Variants in LRP1B observed in about 807,000 individuals in gnomAD.
LRP1B encodes low-density lipoprotein receptor-related protein 1B.
In LRP1B, 217 loss-of-function variants were observed where a neutral mutation model predicts 556.6. That is an observed-to-expected ratio of 0.39 (90% CI 0.35 to 0.44). LRP1B has a LOEUF of 0.44. LRP1B is among the 20% of genes least tolerant of loss of function. The pLI is 1.00. For missense variants in LRP1B, 5,053 were observed against 5,620.8 expected, an observed-to-expected ratio of 0.90 and a Z score of 3.23; for synonymous variants, 2,047 against 1,865.8, an observed-to-expected ratio of 1.10 and a Z score of -2.50.
At chr2:140,689,551 G>C (rs977251747) in intron 41 of LRP1B, among the ~76,000 whole-genome samples, 1 of 152,094 alleles carries the variant, frequency 6.6e-6, no homozygotes, top group Non-Finnish European at 1.5e-5. Flanking sequence ...AATAACTCTG[G>C]TCAAGAATTA....
rs1334056558 is a variant in LRP1B, at chr2:140,525,205, C to T, written c.8026+639G>A. Among the ~76,000 whole-genome samples, 3 of 151,726 alleles carry T rather than the reference C, an allele frequency of 2.0e-5. No individual in the cohort carries two copies. The East Asian group carries it at 5.8e-4, about 29-fold the overall frequency. ...AATTTAATAGTGTCCTATATAGAAT[C>T]TCTACTTCCAGTTATACATAGTTCT... On this transcript the variant is annotated intron_variant, in intron 49 of 90. Transcript: ENST00000389484.
intron 2 of LRP1B, among the ~76,000 whole-genome samples, chr2:141,573,988 A>G (rs966303425): frequency 2.6e-5 from 4 of 152,096 alleles, no homozygotes; most frequent in Admixed American, 6.6e-5. Context: ...AGGACTAGAT[A>G]GAGTTACAGC....
chr2:140,748,136 T>TATATATATATATATATATAA (rs1360430336), intron 35 of LRP1B, among the ~76,000 whole-genome samples: 1 of 35,690 alleles, frequency 2.8e-5, no homozygotes, highest in African/African-American at 1.8e-4. Flanking sequence ...TATATATATA[T>TATATATATATATATATATAA]AATTCATATA....
chr2:140,670,384 G>A lies in LRP1B; in HGVS notation c.6799+29866C>T, dbSNP rs955394546. The stretch of plus-strand genomic sequence containing the variant: ...AGTAGTTAGTGATTTAATAGCCTCC[G>A]CAGTTCTAAATGGTAAGATAAAGGC... On this transcript the variant is annotated intron_variant, in intron 41 of 90. Transcript: ENST00000389484. Among the ~76,000 whole-genome samples the A allele has an allele frequency of 2.6e-5, 4 of 152,078 alleles. No individual in the cohort carries two copies. In the East Asian group the frequency reaches 5.8e-4, roughly 22 times the overall value.
At chr2:141,345,717 CTGG>C (rs1688230125) in intron 3 of LRP1B, among the ~76,000 whole-genome samples, 3 of 147,756 alleles carry the variant, frequency 2.0e-5, no homozygotes, top group African/African-American at 7.5e-5. Context: ...TTTGCCCAGG[CTGG>C]TCTTGAACCA....
intron 7 of LRP1B, among the ~76,000 whole-genome samples, chr2:141,129,951 A>AT (rs1701308396): frequency 6.6e-6 from 1 of 152,082 alleles, no homozygotes; most frequent in Non-Finnish European, 1.5e-5. Context: ...CAAAGTTATC[A>AT]TGGACTAGAC....
intron 35 of LRP1B, among the ~76,000 whole-genome samples, chr2:140,748,092 AATATATATATATATATATAT>A (rs757456196): frequency 1.4e-4 from 1 of 6,950 alleles, no homozygotes; most frequent in African/African-American, 5.3e-4. Context: ...AAGTCCTATG[AATATATATATATATATATAT>A]ATATATATAT....
intron 1 of LRP1B, among the ~76,000 whole-genome samples, chr2:142,104,284 A>C (rs376632847): frequency 3.3e-5 from 5 of 152,036 alleles, no homozygotes; most frequent in African/African-American, 1.2e-4. Flanking sequence ...TTTACGGGAG[A>C]GTTTATAAAA....
intron 79 of LRP1B, among the ~76,000 whole-genome samples, chr2:140,331,235 G>C (rs1573803893): frequency 6.6e-6 from 1 of 152,072 alleles, no homozygotes; most frequent in Non-Finnish European, 1.5e-5. Flanking sequence ...GGAGTACTAT[G>C]CAGCCATAAA....
chr2:141,154,637 T>G (rs1250010794), intron 7 of LRP1B, among the ~76,000 whole-genome samples: 1 of 150,048 alleles, frequency 6.7e-6, no homozygotes, highest in Non-Finnish European at 1.5e-5. Context: ...GTTTTCTAGA[T>G]TTTTTTTTCA....
At chr2:140,605,297 C>T (rs1682826996) in intron 41 of LRP1B, among the ~76,000 whole-genome samples, 1 of 152,030 alleles carries the variant, frequency 6.6e-6, no homozygotes, top group Non-Finnish European at 1.5e-5. Context: ...AGGCAAAGAG[C>T]CTAAAATAAG....
chr2:140,531,468 G>A (rs1690688527), intron 47 of LRP1B, among the ~76,000 whole-genome samples: 1 of 152,078 alleles, frequency 6.6e-6, no homozygotes, highest in Non-Finnish European at 1.5e-5. Flanking sequence ...CTAAACTACA[G>A]TGTCAACCTT....
At chr2:141,108,507 C>T (rs571244799) in intron 7 of LRP1B, among the ~76,000 whole-genome samples, 98 of 151,738 alleles carry the variant, frequency 6.5e-4, no homozygotes, top group Admixed American at 3.7e-3. Context: ...TGCCACCATG[C>T]CCAGCTAATT....
At chr2:141,985,884 C>CT (rs952895495) in intron 1 of LRP1B, among the ~76,000 whole-genome samples, 7 of 151,832 alleles carry the variant, frequency 4.6e-5, no homozygotes, top group African/African-American at 1.7e-4. Flanking sequence ...ATTAGAATTG[C>CT]TTTTTCTGAA....
chr2:141,225,338 GATGACA>G (rs1683202265), intron 6 of LRP1B, among the ~76,000 whole-genome samples: 1 of 152,128 alleles, frequency 6.6e-6, no homozygotes, highest in African/African-American at 2.4e-5. Context: ...GCAGCTGGGG[GATGACA>G]ATATGGTTCT....
At chr2:141,896,676 T>A (rs1699461647) in intron 1 of LRP1B, among the ~76,000 whole-genome samples, 1 of 152,190 alleles carries the variant, frequency 6.6e-6, no homozygotes, top group South Asian at 2.1e-4. Context: ...TAGCTGCCCA[T>A]ATTTTAATGT....
At chr2:140,269,122 A>G (rs1447041497) in intron 86 of LRP1B, 1 of 353,190 alleles carries the variant, frequency 2.8e-6, no homozygotes, top group Non-Finnish European at 5.7e-6. Context: ...TGAGTGAAGC[A>G]AAGGTTAAGT....
At chr2:141,019,359 G>C (rs1484753556) in intron 12 of LRP1B, among the ~76,000 whole-genome samples, 4 of 152,052 alleles carry the variant, frequency 2.6e-5, no homozygotes, top group Non-Finnish European at 2.9e-5. Flanking sequence ...ATATAGACAG[G>C]CTTCCTGGGA....
intron 35 of LRP1B, among the ~76,000 whole-genome samples, chr2:140,764,225 A>G (rs1689025086): frequency 6.6e-6 from 1 of 152,184 alleles, no homozygotes; most frequent in Non-Finnish European, 1.5e-5. Context: ...AAATGGGTTT[A>G]AAAATCACAT....
Sources: allele counts gnomAD v4.1 joint callset (sites outside exome capture counted in the v4.1 genomes callset), GRCh38; gene constraint gnomAD v4.1.1; transcripts MANE v1.5; gene names NCBI Gene and HGNC (gene_info 2026-07-23, HGNC 2026-07-21).